Variants in ITPK1 observed in about 807,000 individuals in gnomAD.
ITPK1 encodes inositol 1,3,4-trisphosphate 5/6-kinase.
ITPK1 carries 21 observed loss-of-function variants against 45.3 expected under a neutral mutation model. That is an observed-to-expected ratio of 0.46 (90% CI 0.33 to 0.67). The LOEUF is 0.67. ITPK1 is among the 30% of genes least tolerant of loss of function. The pLI, the probability that ITPK1 is intolerant of heterozygous loss-of-function variation, is 0.02. For missense variants in ITPK1, 474 were observed against 573.5 expected (o/e 0.83, Z 1.77); for synonymous variants, 258 against 253.6 (o/e 1.02, Z -0.16).
intron 3 of ITPK1, among the ~76,000 whole-genome samples, chr14:93,029,253 A>G (rs913720840): frequency 6.6e-6 from 1 of 150,712 alleles, no homozygotes; most frequent in African/African-American, 2.4e-5. Context: ...TTTTCTTACC[A>G]CTCCCTTCCC....
At chr14:93,046,295 T>C (rs1261691924) in intron 3 of ITPK1, among the ~76,000 whole-genome samples, 1 of 152,202 alleles carries the variant, frequency 6.6e-6, no homozygotes, top group East Asian at 1.9e-4. Context: ...TCCCATTTTC[T>C]ATTCTGAGGA....
At chr14:93,088,347 T>G (rs571489447) in intron 2 of ITPK1, among the ~76,000 whole-genome samples, 18 of 144,746 alleles carry the variant, frequency 1.2e-4, no homozygotes, top group South Asian at 1.1e-3. Context: ...TTTTGTTTTT[T>G]TTTTTTTTTT....
chr14:93,005,541 G>A (rs1429903486), intron 4 of ITPK1, among the ~76,000 whole-genome samples: 1 of 152,146 alleles, frequency 6.6e-6, no homozygotes, highest in Non-Finnish European at 1.5e-5. Context: ...AGACTGCCAG[G>A]ATCCTGGCAC....
intron 5 of ITPK1, among the ~76,000 whole-genome samples, chr14:92,991,370 G>C (rs899503118): frequency 6.6e-6 from 1 of 151,310 alleles, no homozygotes; most frequent in African/African-American, 2.4e-5. Context: ...GCCCAGGCTC[G>C]GCGTGCACGA....
intron 4 of ITPK1, among the ~76,000 whole-genome samples, chr14:93,013,482 C>G (rs1317783938): frequency 6.6e-6 from 1 of 152,088 alleles, no homozygotes; most frequent in East Asian, 1.9e-4. Flanking sequence ...TTCACAGAGG[C>G]AGCCCAGTGC....
At position 92,949,096 on chromosome 14, in the gene ITPK1, T is replaced by TC. The variant is rs201386954; in HGVS notation, c.739-2604_739-2603insG. 6.3e-3 allele frequency among the ~76,000 whole-genome samples: 956 copies of TC among 151,790 alleles called. 12 individuals carry two copies. Among genetic ancestry groups the TC allele is most frequent in the African/African-American group, 0.022 (905 of 41,464 alleles). On this transcript the variant is annotated intron_variant, in intron 9 of 10. Coordinates refer to ENST00000267615, the MANE Select transcript of ITPK1 (RefSeq NM_014216.6). ...TCATCCCTTAGCACTTTTCTTTCTT[T>TC]TTTTTTTTTTCTTTTGAGACAGGGC...
intron 3 of ITPK1, among the ~76,000 whole-genome samples, chr14:93,043,411 G>A (rs1033037760): frequency 1.3e-5 from 2 of 152,212 alleles, no homozygotes; most frequent in Non-Finnish European, 2.9e-5. Context: ...GTGCTCTGTG[G>A]AGTCACTGCA....
chr14:92,946,741 G>T (rs1358118017), intron 9 of ITPK1, among the ~76,000 whole-genome samples: 2 of 152,258 alleles, frequency 1.3e-5, no homozygotes, highest in South Asian at 4.1e-4. Flanking sequence ...GCCAGTGCCA[G>T]CACTGCACAT....
In ITPK1 at chr14:93,016,780, C is replaced by T. The variant is rs529755485; in HGVS notation, c.142G>A (p.Glu48Lys). ...VVQLNLSRPIEEQGPLDVIIH... is the reference protein window; with the variant it reads ...VVQLNLSRPIKEQGPLDVIIH... ...ATGACGTCCAGGGGGCCCTGCTCCTCGATCGGCCGGCTAAGGTTCAGCTGT... is the reference window on the plus strand; with the variant it reads ...ATGACGTCCAGGGGGCCCTGCTCCTTGATCGGCCGGCTAAGGTTCAGCTGT... The change falls in exon 4 of 11, where the codon GAG becomes AAG. Residue 48 changes from glutamate (E) to lysine (K), a missense_variant. By Grantham distance (56) the Glu-to-Lys change is moderately conservative. Coordinates refer to ENST00000267615, the MANE Select transcript of ITPK1 (RefSeq NM_014216.6). This position sits in a 1 kb window ranked among gnomAD's most constrained non-coding sequence, Gnocchi z 5.0. The T allele has an allele frequency of 1.2e-5, 19 of 1,614,088 alleles. No homozygotes were observed. The highest frequency in any genetic ancestry group is 5.0e-5 in the Admixed American group (3 of 60,012).
intron 4 of ITPK1, among the ~76,000 whole-genome samples, chr14:93,013,238 A>G (rs1317255231): frequency 1.3e-5 from 2 of 152,218 alleles, no homozygotes; most frequent in Non-Finnish European, 1.5e-5. Context: ...AATCATCCCA[A>G]TTGAGTCTCC....
At chr14:93,106,090 G>A (rs1308658579) in intron 2 of ITPK1, among the ~76,000 whole-genome samples, 1 of 152,264 alleles carries the variant, frequency 6.6e-6, no homozygotes, top group East Asian at 1.9e-4. Context: ...CAGGTCAGGC[G>A]CGGCTTCCCT....
chr14:93,028,692 T>C (rs867593523), intron 3 of ITPK1, among the ~76,000 whole-genome samples: 1 of 152,226 alleles, frequency 6.6e-6, no homozygotes, highest in South Asian at 2.1e-4. Context: ...CAAGCGGATG[T>C]CAGCTCTCAG....
At position 93,016,647 on chromosome 14, in the gene ITPK1, C is replaced by T. The variant is rs572957944; in HGVS notation, c.246+29G>A. On this transcript the variant is annotated intron_variant, in intron 4 of 10. Coordinates refer to ENST00000267615, the MANE Select transcript of ITPK1 (RefSeq NM_014216.6). The surrounding 1 kb of genome is among the most constrained non-coding windows in gnomAD (Gnocchi z 5.0). The stretch of plus-strand genomic sequence containing the variant: ...TCCCCTCCTCCTCCTGAAAATGCCA[C>T]AGCCAAGGGCTGCATGGTCCTCACT... 887 of 1,606,806 alleles carry T rather than the reference C, an allele frequency of 5.5e-4. 12 individuals carry two copies. The South Asian group carries it at 7.9e-3, about 14-fold the overall frequency.
intron 3 of ITPK1, among the ~76,000 whole-genome samples, chr14:93,025,029 T>TCAACAA (rs1888668658): frequency 6.6e-6 from 1 of 152,142 alleles, no homozygotes. Context: ...CTTGCCCCAG[T>TCAACAA]TCCAGGAGAA....
intron 8 of ITPK1, among the ~76,000 whole-genome samples, chr14:92,955,002 A>C (rs1198414864): frequency 6.6e-6 from 1 of 152,180 alleles, no homozygotes; most frequent in African/African-American, 2.4e-5. Context: ...ATACAAGCTC[A>C]TGAGGGCAGG....
rs949290486 is a variant in ITPK1 at position 93,014,737 on chromosome 14, C to G, written c.246+1939G>C. On this transcript the variant is annotated intron_variant, in intron 4 of 10. Coordinates refer to ENST00000267615, the MANE Select transcript of ITPK1 (RefSeq NM_014216.6). The surrounding 1 kb of genome is among the most constrained non-coding windows in gnomAD (Gnocchi z 4.4). Reference sequence around the variant, plus strand: ...CCACCTGGACCACTTTCTAGTTGTCCTGCAGCTGCTTCTTCCTCCACAGGA... The same window carrying G: ...CCACCTGGACCACTTTCTAGTTGTCGTGCAGCTGCTTCTTCCTCCACAGGA... Among the ~76,000 whole-genome samples the G allele has an allele frequency of 6.6e-6, 1 of 151,102 alleles. No homozygotes were observed. Among genetic ancestry groups the G allele is most frequent in the Non-Finnish European group, 1.5e-5 (1 of 67,712 alleles).
At chr14:93,088,974 C>A (rs189490331) in intron 2 of ITPK1, among the ~76,000 whole-genome samples, 41 of 152,372 alleles carry the variant, frequency 2.7e-4, no homozygotes, top group African/African-American at 9.4e-4. Flanking sequence ...CTCCTCATCC[C>A]ACAGCACTGT....
In ITPK1 at chr14:92,941,794, G is replaced by C; in HGVS notation, c.1012C>G (p.His338Asp). The C allele has an allele frequency of 1.2e-6, 2 of 1,610,924 alleles. No homozygotes were observed. Among genetic ancestry groups the C allele is most frequent in the Non-Finnish European group, 1.7e-6 (2 of 1,179,454 alleles). Residue 338 changes from histidine (H) to aspartate (D), a missense_variant, in exon 11 of 11, where the codon CAC becomes GAC. His to Asp is a moderately conservative substitution (Grantham distance 81, BLOSUM62 -1). Transcript: ENST00000267615. ...GCCGGCTCGGCCAGAAGCTTGCTGT[G>C]CCTCAGCAGGGCCACGTCCCCTGTG... ...AATGDVALLR[H>D]SKLLAEPAGG...
At chr14:93,023,120 T>A (rs572127565) in intron 3 of ITPK1, among the ~76,000 whole-genome samples, 1 of 152,334 alleles carries the variant, frequency 6.6e-6, no homozygotes, top group Admixed American at 6.5e-5. Flanking sequence ...TCTCATGTGA[T>A]CTGCCCGCCT....
Sources: allele counts gnomAD v4.1 joint callset (sites outside exome capture counted in the v4.1 genomes callset), GRCh38; gene constraint gnomAD v4.1.1; non-coding constraint Gnocchi (gnomAD v3.1); transcripts MANE v1.5; gene names NCBI Gene and HGNC (gene_info 2026-07-23, HGNC 2026-07-21).